ENOX1: variants seen among roughly 807,000 people sequenced by gnomAD.
ENOX1 encodes the protein candidate growth-related and time keeping constitutive hydroquinone (NADH) oxidase.
Under a neutral mutation model 82.5 loss-of-function variants are expected in ENOX1, and 42 were observed. The observed-to-expected ratio is 0.51, with a 90% CI of 0.40 to 0.66. The LOEUF is 0.66. Among genes scored for constraint, ENOX1 ranks in the 30% least tolerant of loss-of-function variants. ENOX1 has a pLI of 0.00. For missense variants in ENOX1, 608 were observed against 811.6 expected (o/e 0.75, Z 3.05); for synonymous variants, 271 against 282.2 (o/e 0.96, Z 0.40).
intron 1 of ENOX1, among the ~76,000 whole-genome samples, chr13:43,753,429 TAA>T (rs1441645408): frequency 6.6e-6 from 1 of 152,234 alleles, no homozygotes; most frequent in Non-Finnish European, 1.5e-5. Context: ...GATACTATTG[TAA>T]ATGGCATTTT....
intron 15 of ENOX1, among the ~76,000 whole-genome samples, chr13:43,229,506 C>T (rs979959837): frequency 6.6e-6 from 1 of 152,154 alleles, no homozygotes; most frequent in Non-Finnish European, 1.5e-5. Context: ...GGCCAGATCA[C>T]GCAGGACCTT....
chr13:43,678,279 T>C (rs9595000), intron 1 of ENOX1, among the ~76,000 whole-genome samples: 13,329 of 152,168 alleles, frequency 0.088, 902 homozygotes, highest in African/African-American at 0.19. Context: ...AAAAAATTCC[T>C]CAAATATAAA....
intron 3 of ENOX1, among the ~76,000 whole-genome samples, chr13:43,427,215 A>G (rs1356359453): frequency 1.3e-5 from 2 of 152,214 alleles, no homozygotes; most frequent in Non-Finnish European, 2.9e-5. Flanking sequence ...CTTATCTGCC[A>G]GCCAACACAC....
At chr13:43,328,753 T>C (rs1330470977) in intron 9 of ENOX1, among the ~76,000 whole-genome samples, 1 of 152,172 alleles carries the variant, frequency 6.6e-6, no homozygotes, top group African/African-American at 2.4e-5. Context: ...TATTAGATAT[T>C]TCCTGTTTGT....
At chr13:43,366,327 T>A (rs1018738931) in intron 5 of ENOX1, among the ~76,000 whole-genome samples, 18 of 151,818 alleles carry the variant, frequency 1.2e-4, no homozygotes, top group African/African-American at 4.1e-4. Flanking sequence ...CAGGCTGGAG[T>A]ACAATGGCAC....
intron 9 of ENOX1, among the ~76,000 whole-genome samples, chr13:43,329,706 TC>T (rs1305068326): frequency 1.3e-5 from 2 of 152,072 alleles, no homozygotes; most frequent in African/African-American, 4.8e-5. Flanking sequence ...ACACTTTTTT[TC>T]CCTATACCAA....
intron 3 of ENOX1, among the ~76,000 whole-genome samples, chr13:43,421,149 A>C (rs941379836): frequency 2.6e-5 from 4 of 152,198 alleles, no homozygotes; most frequent in African/African-American, 9.6e-5. Context: ...CAATTCAGAT[A>C]GGGGAGAACC....
chr13:43,634,918 A>G (rs528338711), intron 2 of ENOX1, among the ~76,000 whole-genome samples: 2 of 152,348 alleles, frequency 1.3e-5, no homozygotes, highest in East Asian at 3.9e-4. Context: ...TTTCTACATC[A>G]TGGTGGCTGT....
At chr13:43,616,988 G>T (rs928517671) in intron 2 of ENOX1, among the ~76,000 whole-genome samples, 2 of 152,098 alleles carry the variant, frequency 1.3e-5, no homozygotes, top group Non-Finnish European at 2.9e-5. Flanking sequence ...TGACATTTTA[G>T]TGACTAGTAT....
In ENOX1 at chr13:43,758,073, T is replaced by G. The variant is rs143600380; in HGVS notation, c.-285+28579A>C. Reference sequence around the variant, plus strand: ...AACATGGTTGAAACCCAATCTCTACTAAAAATACAAAAATTACCCAGGTGT... The same window carrying G: ...AACATGGTTGAAACCCAATCTCTACGAAAAATACAAAAATTACCCAGGTGT... On this transcript the variant is annotated intron_variant, in intron 1 of 16. Coordinates refer to ENST00000690772, the MANE Select transcript of ENOX1 (RefSeq NM_001347969.2). 1.8e-4 allele frequency among the ~76,000 whole-genome samples: 27 copies of G among 151,962 alleles called. 1 individual carries two copies. In the East Asian group the frequency reaches 5.2e-3, roughly 29 times the overall value.
intron 1 of ENOX1, among the ~76,000 whole-genome samples, chr13:43,732,798 C>A (rs1192037996): frequency 6.6e-6 from 1 of 152,186 alleles, no homozygotes; most frequent in East Asian, 1.9e-4. Flanking sequence ...TACTGGCCCC[C>A]AACACTCACT....
At chr13:43,460,620 C>T (rs964548695) in intron 3 of ENOX1, among the ~76,000 whole-genome samples, 1 of 151,930 alleles carries the variant, frequency 6.6e-6, no homozygotes, top group African/African-American at 2.4e-5. Flanking sequence ...CGGTAAAACC[C>T]TGTCTCTACT....
At chr13:43,296,544 TC>T (rs2046295648) in intron 12 of ENOX1, among the ~76,000 whole-genome samples, 1 of 152,194 alleles carries the variant, frequency 6.6e-6, no homozygotes, top group Admixed American at 6.5e-5. Context: ...CATTTCTGTC[TC>T]AACTACATTT....
Position 43,327,078 on chromosome 13 carries a change from T to C in ENOX1, c.1037-553A>G, listed in dbSNP as rs146908865. Among the ~76,000 whole-genome samples the C allele has an allele frequency of 7.0e-3, 1,068 of 152,296 alleles. 12 individuals are homozygous for C. The highest frequency in any genetic ancestry group is 0.024 in the South Asian group (116 of 4,824). ...GTCTCCCCTCAATCTCAGGGGGCCA[T>C]TTTTCCTCCTTGGCTCCTTTTTCCT... On this transcript the variant is annotated intron_variant, in intron 9 of 16. Transcript: ENST00000690772.
chr13:43,333,373 G>A (rs2048516786), intron 9 of ENOX1, among the ~76,000 whole-genome samples: 1 of 152,158 alleles, frequency 6.6e-6, no homozygotes, highest in Non-Finnish European at 1.5e-5. Context: ...GAATTACATG[G>A]TAACCAATTG....
At chr13:43,562,285 T>C (rs1230371577) in intron 2 of ENOX1, among the ~76,000 whole-genome samples, 2 of 152,176 alleles carry the variant, frequency 1.3e-5, no homozygotes, top group African/African-American at 4.8e-5. Flanking sequence ...TATTAGTTTG[T>C]TTATGCAATT....
intron 2 of ENOX1, among the ~76,000 whole-genome samples, chr13:43,527,621 T>C (rs984636324): frequency 1.3e-5 from 2 of 152,238 alleles, no homozygotes; most frequent in South Asian, 4.1e-4. Context: ...GCTTTTTGGT[T>C]TCGTCACTGA....
intron 2 of ENOX1, among the ~76,000 whole-genome samples, chr13:43,492,271 A>C (rs574688332): frequency 3.2e-4 from 49 of 152,314 alleles, no homozygotes; most frequent in African/African-American, 1.2e-3. Flanking sequence ...GAGATGCTGT[A>C]GATGTTGCTC....
At chr13:43,666,931 G>A (rs2085010380) in intron 2 of ENOX1, among the ~76,000 whole-genome samples, 1 of 152,016 alleles carries the variant, frequency 6.6e-6, no homozygotes, top group East Asian at 1.9e-4. Context: ...AACCCAATGG[G>A]GACTGTTTAA....
Sources: gnomAD v4.1 joint callset for allele counts (sites outside exome capture counted in the v4.1 genomes callset) on GRCh38, gnomAD v4.1.1 for gene constraint, MANE v1.5 for transcripts, NCBI Gene and HGNC (gene_info 2026-07-23, HGNC 2026-07-21) for gene names.